Variants in SENP7 observed in about 807,000 individuals in gnomAD.
SENP7 encodes SUMO specific peptidase 7, also known as sentrin-specific protease 7.
SENP7 carries 64 observed loss-of-function variants against 141.2 expected under a neutral mutation model. That is an observed-to-expected ratio of 0.45 (90% CI 0.37 to 0.56). The LOEUF is 0.56. Ranked by LOEUF, SENP7 falls within the 20% of genes least tolerant of loss-of-function variation. The pLI is 0.00. For synonymous variants in SENP7, 382 were observed against 426.4 expected (o/e 0.90, Z 1.28); for missense variants, 1,025 against 1,212.2 (o/e 0.85, Z 2.29).
rs567456652 is a variant in SENP7 at position 101,455,574 on chromosome 3, G to T, written c.284+3381C>A. ...ACGCTACAAGAGAACTAAATCTGTAGATACAAATTATGTAAGCTCATTGAT... is the reference window on the plus strand; with the variant it reads ...ACGCTACAAGAGAACTAAATCTGTATATACAAATTATGTAAGCTCATTGAT... On this transcript the variant is annotated intron_variant, in intron 4 of 23. Transcript: ENST00000394095. 3.9e-5 allele frequency among the ~76,000 whole-genome samples: 6 copies of T among 152,136 alleles called. No homozygotes were observed. In the East Asian group the frequency reaches 9.7e-4, roughly 24 times the overall value.
intron 6 of SENP7, among the ~76,000 whole-genome samples, chr3:101,397,592 T>C (rs1187956751): frequency 3.9e-5 from 6 of 152,136 alleles, no homozygotes; most frequent in Non-Finnish European, 7.4e-5. Context: ...ATTCACTAAG[T>C]AGAACCTAGG....
At chr3:101,347,587 T>TTGAA (rs2059497596) in intron 13 of SENP7, 2 of 169,480 alleles carry the variant, frequency 1.2e-5, no homozygotes, top group African/African-American at 4.8e-5. Context: ...CCGGGCACGG[T>TTGAA]GGCGGGCACC....
At chr3:101,379,046 A>AC (rs1372964098) in intron 6 of SENP7, among the ~76,000 whole-genome samples, 2 of 152,150 alleles carry the variant, frequency 1.3e-5, no homozygotes, top group Non-Finnish European at 2.9e-5. Flanking sequence ...ACATAAACCA[A>AC]CAGAACAGAA....
At chr3:101,482,511 T>C (rs2064535440) in intron 3 of SENP7, among the ~76,000 whole-genome samples, 1 of 152,094 alleles carries the variant, frequency 6.6e-6, no homozygotes, top group Non-Finnish European at 1.5e-5. Flanking sequence ...ACAGATTCAA[T>C]GCAATGTCAA....
At chr3:101,384,707 T>C (rs1278807769) in intron 6 of SENP7, among the ~76,000 whole-genome samples, 1 of 152,120 alleles carries the variant, frequency 6.6e-6, no homozygotes, top group Non-Finnish European at 1.5e-5. Context: ...TCCGGGCCAG[T>C]AGTGGGAGCC....
At chr3:101,341,850 C>T (rs1462315257) in intron 14 of SENP7, 71 bp from the exon 15 acceptor site, 15 of 1,417,888 alleles carry the variant, frequency 1.1e-5, no homozygotes, top group African/African-American at 4.3e-5. Flanking sequence ...AAAACGTAGA[C>T]GTGTGAGAGA....
Position 101,417,664 on chromosome 3 carries a change from C to G in SENP7, c.411G>C (p.Ser137=). Reference sequence around the variant, plus strand: ...ATGTCTCTAGGCTGTCAACAGATGTCGAAGGCAATGAGTCTGATTGCACCT... The same window carrying G: ...ATGTCTCTAGGCTGTCAACAGATGTGGAAGGCAATGAGTCTGATTGCACCT... ...ANKVQSDSLP[S]TSVDSLETCQ... is the part of the protein sequence containing the mutation. The change falls in exon 5 of 24, where the codon TCG becomes TCC. Residue 137 remains serine (S), a synonymous_variant. Transcript: ENST00000394095. 6.2e-7 allele frequency: 1 copy of G among 1,613,874 alleles called. No homozygotes were observed. Among genetic ancestry groups the G allele is most frequent in the East Asian group, 2.2e-5 (1 of 44,848 alleles).
chr3:101,393,801 G>C (rs1174540126), intron 6 of SENP7, among the ~76,000 whole-genome samples: 1 of 152,184 alleles, frequency 6.6e-6, no homozygotes, highest in East Asian at 1.9e-4. Flanking sequence ...AAAAGTGTAA[G>C]AGGAAGCAGA....
intron 5 of SENP7, among the ~76,000 whole-genome samples, chr3:101,403,835 G>T (rs1292923225): frequency 6.6e-6 from 1 of 152,028 alleles, no homozygotes; most frequent in Non-Finnish European, 1.5e-5. Context: ...GCCACAAAAA[G>T]AATAATATAC....
Position 101,366,621 on chromosome 3 carries a change from A to T in SENP7, c.1127T>A (p.Leu376Ter). The change falls in exon 9 of 24, where the codon TTG becomes TAG. Residue 376 changes from leucine (L) to a stop codon, truncating the protein, a stop_gained. Transcript: ENST00000394095. LOFTEE classifies it high-confidence loss of function. ...TKLSSLNSQE[L>*]TLSNATKSAS... ...ACTTTTGGTGGCATTACTCAAAGTC[A>T]ACTCCTGACTGTTAAGTGAGGATAG... The T allele has an allele frequency of 6.2e-7, 1 of 1,614,002 alleles. No individual in the cohort carries two copies. The highest frequency in any genetic ancestry group is 8.5e-7 in the Non-Finnish European group (1 of 1,179,880).
chr3:101,332,151 A>G (rs1355322534), intron 18 of SENP7, 42 bp from the exon 19 acceptor site: 13 of 1,586,560 alleles, frequency 8.2e-6, no homozygotes, highest in Non-Finnish European at 1.1e-5. Context: ...TGCAAAGTCT[A>G]AACAACATAT....
chr3:101,338,933 A>G (rs918639270), intron 16 of SENP7, among the ~76,000 whole-genome samples: 3 of 152,222 alleles, frequency 2.0e-5, no homozygotes, highest in African/African-American at 7.2e-5. Flanking sequence ...GCATATTTAT[A>G]AATACAAAAA....
At chr3:101,418,984 TGGG>T (rs2061705777) in intron 4 of SENP7, among the ~76,000 whole-genome samples, 1 of 152,194 alleles carries the variant, frequency 6.6e-6, no homozygotes, top group South Asian at 2.1e-4. Context: ...TTTGCCTTCA[TGGG>T]GTGTACATTA....
At chr3:101,508,459 C>T (rs1317177970) in intron 1 of SENP7, among the ~76,000 whole-genome samples, 1 of 151,966 alleles carries the variant, frequency 6.6e-6, no homozygotes, top group Non-Finnish European at 1.5e-5. Flanking sequence ...ATTAGCCAGG[C>T]GTGGTGGCGG....
rs141432947 is a variant in SENP7 at position 101,417,258 on chromosome 3, A to G, written c.482+335T>C. On this transcript the variant is annotated intron_variant, in intron 5 of 23. Coordinates refer to ENST00000394095, the MANE Select transcript of SENP7 (RefSeq NM_020654.5). ...TATACACACACATTTATATGCATATAATACATATACACACACGTATATATA... is the reference window on the plus strand; with the variant it reads ...TATACACACACATTTATATGCATATGATACATATACACACACGTATATATA... Among the ~76,000 whole-genome samples, 577 of 152,264 alleles carry G rather than the reference A, an allele frequency of 3.8e-3. 2 individuals are homozygous for G. Among genetic ancestry groups the G allele is most frequent in the Non-Finnish European group, 4.9e-3 (335 of 67,982 alleles).
intron 9 of SENP7, 130 bp downstream of exon 9, chr3:101,366,300 A>G: frequency 3.6e-6 from 2 of 551,954 alleles, no homozygotes; most frequent in Middle Eastern, 3.6e-4. Context: ...CTTTTTTCCT[A>G]AAGTTAATAT....
chr3:101,493,435 T>TA (rs2065038695), intron 3 of SENP7, among the ~76,000 whole-genome samples: 1 of 152,204 alleles, frequency 6.6e-6, no homozygotes, highest in Non-Finnish European at 1.5e-5. Flanking sequence ...TCTTAATCCT[T>TA]ATTCATCAAA....
At chr3:101,427,143 C>T (rs556955054) in intron 4 of SENP7, among the ~76,000 whole-genome samples, 5 of 152,094 alleles carry the variant, frequency 3.3e-5, no homozygotes, top group African/African-American at 7.2e-5. Flanking sequence ...TTATTCATCA[C>T]GATCAAGCAG....
At chr3:101,344,991 C>CAAA (rs71132568) in intron 13 of SENP7, among the ~76,000 whole-genome samples, 18 of 61,352 alleles carry the variant, frequency 2.9e-4, no homozygotes, top group African/African-American at 1.2e-3. Context: ...AAAAAGAAAG[C>CAAA]AAAAAAAAAA....
Sources: gnomAD v4.1 joint callset for allele counts (sites outside exome capture counted in the v4.1 genomes callset) on GRCh38, gnomAD v4.1.1 for gene constraint, MANE v1.5 for transcripts, NCBI Gene and HGNC (gene_info 2026-07-23, HGNC 2026-07-21) for gene names.